Variants in VAX2 observed in about 807,000 individuals in gnomAD.
VAX2 encodes the protein ventral anterior homeobox 2.
VAX2 carries 8 observed loss-of-function variants against 12.5 expected under a neutral mutation model. That is an observed-to-expected ratio of 0.64 (90% CI 0.37 to 1.15). The LOEUF (loss-of-function observed/expected upper bound fraction) is 1.15. Ranked by LOEUF, VAX2 falls within the 50% of genes most tolerant of loss-of-function variation. The pLI is 0.01. For missense variants in VAX2, 476 were observed against 412.9 expected (o/e 1.15, Z -1.32); for synonymous variants, 183 against 187.6 (o/e 0.98, Z 0.20).
At chr2:70,905,406 C>T (rs1286356335) in intron 1 of VAX2, among the ~76,000 whole-genome samples, 7 of 152,088 alleles carry the variant, frequency 4.6e-5, no homozygotes, top group African/African-American at 1.7e-4. Flanking sequence ...GGCCCACATT[C>T]CCATAGCGTG....
At chr2:70,908,237 C>T (rs1441162059) in intron 1 of VAX2, among the ~76,000 whole-genome samples, 1 of 152,074 alleles carries the variant, frequency 6.6e-6, no homozygotes, top group Non-Finnish European at 1.5e-5. Flanking sequence ...GATGGGAGGT[C>T]TCACTATTTT....
chr2:70,909,797 T>C (rs181927407), intron 1 of VAX2, among the ~76,000 whole-genome samples: 16 of 152,308 alleles, frequency 1.1e-4, no homozygotes, highest in Non-Finnish European at 1.8e-4. Flanking sequence ...ATTTAACTAG[T>C]CCTCTATTAA....
At chr2:70,921,470 A>C (rs1679458064) in intron 2 of VAX2, among the ~76,000 whole-genome samples, 185 bp downstream of exon 2, 1 of 152,180 alleles carries the variant, frequency 6.6e-6, no homozygotes, top group African/African-American at 2.4e-5. Context: ...CGCCGACCAC[A>C]GACAGTCAGG....
At position 70,900,684 on chromosome 2, in the gene VAX2, C is replaced by A; in HGVS notation, c.63C>A (p.Gly21=). 2 of 1,297,284 alleles carry A rather than the reference C, an allele frequency of 1.5e-6. No individual in the cohort carries two copies. Among genetic ancestry groups the A allele is most frequent in the South Asian group, 2.3e-5 (1 of 43,326 alleles). 80.4% of individuals were successfully genotyped at this position (1,297,284 alleles called of 1,614,324 possible). A position where few individuals can be genotyped will look rare whatever the true frequency, so the allele number is the denominator to read the frequency against. Residue 21 remains glycine (G), a synonymous_variant, in exon 1 of 3, where the codon GGC becomes GGA. Coordinates refer to ENST00000234392, the MANE Select transcript of VAX2 (RefSeq NM_012476.3). ...GPARRAESGG[G]GGRCGDRSGA... ...CGCGCCGGGCGGAGTCTGGTGGCGG[C>A]GGTGGGCGCTGCGGAGACCGCAGCG...
In VAX2 at chr2:70,927,746, C is replaced by T. The variant is rs571809842; in HGVS notation, c.436-5021C>T. On this transcript the variant is annotated intron_variant, in intron 2 of 2. Transcript: ENST00000234392. ...TGCGCGGCCATGGATCACAGTGTGG[C>T]CCAGAAAGAAATCAGGGAGGGGGCA... 2.0e-5 allele frequency among the ~76,000 whole-genome samples: 3 copies of T among 152,114 alleles called. No individual in the cohort carries two copies. The South Asian group carries it at 6.2e-4, about 32-fold the overall frequency.
At chr2:70,911,665 T>C (rs1679190097) in intron 1 of VAX2, among the ~76,000 whole-genome samples, 1 of 152,246 alleles carries the variant, frequency 6.6e-6, no homozygotes, top group Non-Finnish European at 1.5e-5. Context: ...ATTGCTGTTA[T>C]AACTTTCATT....
In VAX2 at chr2:70,906,520, C is replaced by CTTTTTTTTTTTTTTTTTTTTT. The variant is rs869309305; in HGVS notation, c.247+5658_247+5678dup. 9.9e-5 allele frequency among the ~76,000 whole-genome samples: 6 copies of CTTTTTTTTTTTTTTTTTTTTT among 60,596 alleles called. 1 individual carries two copies. The highest frequency in any genetic ancestry group is 1.6e-4 in the African/African-American group (2 of 12,248). The allele number at this position is 60,596 out of a possible 152,430, so 39.8% of individuals were successfully genotyped here. A position where few individuals can be genotyped will look rare whatever the true frequency, so the allele number is the denominator to read the frequency against. On this transcript the variant is annotated intron_variant, in intron 1 of 2. Coordinates refer to ENST00000234392, the MANE Select transcript of VAX2 (RefSeq NM_012476.3). ...CTTTCTTTTTTTTTCTTTTCTTTTCCTTTTTTTTTTTTTTTTTTTTTTTTT... is the reference window on the plus strand; with the variant it reads ...CTTTCTTTTTTTTTCTTTTCTTTTCCTTTTTTTTTTTTTTTTTTTTTTTTTTTTTTTTTTTTTTTTTTTTTT...
chr2:70,905,877 G>A (rs1679046531), intron 1 of VAX2, among the ~76,000 whole-genome samples: 1 of 152,238 alleles, frequency 6.6e-6, no homozygotes, highest in Non-Finnish European at 1.5e-5. Context: ...GCACCGGTAA[G>A]GAGAGAGGGT....
intron 1 of VAX2, among the ~76,000 whole-genome samples, chr2:70,902,709 G>C (rs1678961722): frequency 6.6e-6 from 1 of 152,162 alleles, no homozygotes; most frequent in African/African-American, 2.4e-5. Flanking sequence ...ATAGCCTTCA[G>C]GGGTAAACTC....
intron 2 of VAX2, among the ~76,000 whole-genome samples, chr2:70,922,535 G>T (rs1251720255): frequency 1.3e-5 from 2 of 152,132 alleles, no homozygotes; most frequent in Non-Finnish European, 2.9e-5. Context: ...AGTCAGATGC[G>T]CCTGGAAGTC....
intron 1 of VAX2, among the ~76,000 whole-genome samples, chr2:70,913,740 G>C (rs893843603): frequency 6.6e-6 from 1 of 151,994 alleles, no homozygotes; most frequent in African/African-American, 2.4e-5. Flanking sequence ...TTTATTATCT[G>C]TCTCCCTCCC....
chr2:70,911,104 G>A (rs1156901518), intron 1 of VAX2, among the ~76,000 whole-genome samples: 2 of 152,100 alleles, frequency 1.3e-5, no homozygotes, highest in African/African-American at 4.8e-5. Flanking sequence ...CCACTCCTCA[G>A]AGGCAAGAGA....
chr2:70,921,403 A>G lies in VAX2; in HGVS notation c.435+118A>G, dbSNP rs540250692. 11 of 1,187,490 alleles carry G rather than the reference A, an allele frequency of 9.3e-6. No individual in the cohort carries two copies. In the South Asian group the frequency reaches 2.0e-4, roughly 22 times the overall value. 73.6% of individuals were successfully genotyped at this position (1,187,490 alleles called of 1,614,324 possible). A position where few individuals can be genotyped will look rare whatever the true frequency, so the allele number is the denominator to read the frequency against. ...CAACTTTGGAGGAGTTCAGACAAGC[A>G]TGAGGGAAAGACTTTAAGCTACAGG... On this transcript the variant is annotated intron_variant, in intron 2 of 2. Coordinates refer to ENST00000234392, the MANE Select transcript of VAX2 (RefSeq NM_012476.3).
In VAX2 at chr2:70,900,658, G is replaced by A. The variant is rs1395658949; in HGVS notation, c.37G>A (p.Ala13Thr). 1.0e-5 allele frequency: 13 copies of A among 1,281,574 alleles called. No individual in the cohort carries two copies. Among genetic ancestry groups the A allele is most frequent in the Non-Finnish European group, 1.2e-5 (12 of 1,014,074 alleles). The allele number at this position is 1,281,574 out of a possible 1,614,324, so 79.4% of individuals were successfully genotyped here. The change falls in exon 1 of 3, where the codon GCG becomes ACG. Residue 13 changes from alanine (A) to threonine (T), a missense_variant. Physicochemically the swap from Ala to Thr is moderately conservative, Grantham distance 58 (BLOSUM62 0). Coordinates refer to ENST00000234392, the MANE Select transcript of VAX2 (RefSeq NM_012476.3). Reference protein sequence around the residue: ...DGGAERDRGPARRAESGGGGG... With the variant: ...DGGAERDRGPTRRAESGGGGG... ...GGGCGCCGAGCGCGACCGGGGCCCC[G>A]CGCGCCGGGCGGAGTCTGGTGGCGG...
intron 1 of VAX2, among the ~76,000 whole-genome samples, chr2:70,910,891 T>C (rs570713598): frequency 3.4e-4 from 51 of 151,532 alleles, no homozygotes; most frequent in African/African-American, 1.2e-3. Context: ...TCTAACCACA[T>C]TTAATGGTTG....
intron 1 of VAX2, among the ~76,000 whole-genome samples, chr2:70,918,234 C>T (rs984020902): frequency 2.0e-4 from 31 of 152,184 alleles, no homozygotes; most frequent in Admixed American, 1.7e-3. Context: ...CACCTTTTCC[C>T]TGAGGCTGAC....
rs1435029085 is a variant in VAX2, at chr2:70,915,403, AT to A, written c.248-5689del. Among the ~76,000 whole-genome samples, 7 of 150,950 alleles carry A rather than the reference AT, an allele frequency of 4.6e-5. No homozygotes were observed. The South Asian group carries it at 6.3e-4, about 14-fold the overall frequency. ...GCCACCGCATCCAGCTAATTTTTGT[AT>A]TTTTTAGTAGAGACGGAGTTTCGCC... On this transcript the variant is annotated intron_variant, in intron 1 of 2. Coordinates refer to ENST00000234392, the MANE Select transcript of VAX2 (RefSeq NM_012476.3).
intron 1 of VAX2, among the ~76,000 whole-genome samples, chr2:70,917,151 C>CAAA (rs55909927): frequency 0.31 from 25,732 of 82,296 alleles, 4,584 homozygotes; most frequent in South Asian, 0.43. Flanking sequence ...AACTCTGTCT[C>CAAA]AAAAAAAAAA....
At chr2:70,902,617 G>A (rs1245001809) in intron 1 of VAX2, among the ~76,000 whole-genome samples, 7 of 152,310 alleles carry the variant, frequency 4.6e-5, no homozygotes, top group Admixed American at 4.6e-4. Context: ...ACAATTGTGA[G>A]TTCTGTGCCC....
Sources: gnomAD v4.1 joint callset for allele counts (sites outside exome capture counted in the v4.1 genomes callset) on GRCh38, gnomAD v4.1.1 for gene constraint, MANE v1.5 for transcripts, NCBI Gene and HGNC (gene_info 2026-07-23, HGNC 2026-07-21) for gene names.